Variants in TDP1 observed in about 807,000 individuals in gnomAD.
TDP1 encodes tyr-DNA phosphodiesterase 1.
Under a neutral mutation model 81.5 loss-of-function variants are expected in TDP1, and 64 were observed. That is an observed-to-expected ratio of 0.79 (90% CI 0.64 to 0.97). The LOEUF (loss-of-function observed/expected upper bound fraction) is 0.97. TDP1 is among the 50% of genes least tolerant of loss of function. The pLI is 0.00. For missense variants in TDP1, 723 were observed against 743.8 expected, an observed-to-expected ratio of 0.97 and a Z score of 0.33; for synonymous variants, 256 against 264.3, an observed-to-expected ratio of 0.97 and a Z score of 0.30.
intron 2 of TDP1, among the ~76,000 whole-genome samples, chr14:89,957,707 T>C (rs1197277153): frequency 6.6e-6 from 1 of 152,228 alleles, no homozygotes; most frequent in Non-Finnish European, 1.5e-5. Flanking sequence ...ATAAAAGTGC[T>C]AACAGTGTCC....
At chr14:90,020,547 T>TCCC (rs1231715698) in intron 15 of TDP1, among the ~76,000 whole-genome samples, 1 of 20,136 alleles carries the variant, frequency 5.0e-5, no homozygotes, top group African/African-American at 5.2e-4. Flanking sequence ...CCTCCCTCCC[T>TCCC]TCCTTCCTTC....
At chr14:89,976,583 C>G (rs975370500) in intron 7 of TDP1, among the ~76,000 whole-genome samples, 19 of 142,634 alleles carry the variant, frequency 1.3e-4, no homozygotes, top group Non-Finnish European at 2.7e-4. Context: ...GTTGCCCAGC[C>G]TGGAGTGCAG....
chr14:89,993,314 A>G, intron 13 of TDP1, 62 bp from the exon 14 acceptor site: 1 of 1,417,182 alleles, frequency 7.1e-7, no homozygotes, highest in Non-Finnish European at 9.9e-7. Flanking sequence ...GCAGTTTCCT[A>G]ATATTAGGAT....
intron 4 of TDP1, among the ~76,000 whole-genome samples, chr14:89,966,732 T>C (rs937258217): frequency 6.6e-6 from 1 of 152,198 alleles, no homozygotes; most frequent in Non-Finnish European, 1.5e-5. Flanking sequence ...TGGTTTGGCA[T>C]TGAAAGTCCT....
intron 2 of TDP1, 26 bp from the exon 3 acceptor site, chr14:89,963,082 C>G (rs1892521090): frequency 6.2e-7 from 1 of 1,613,864 alleles, no homozygotes; most frequent in African/African-American, 1.3e-5. Flanking sequence ...ATGGGAAATG[C>G]TGATGTTTCC....
At position 90,025,032 on chromosome 14, in the gene TDP1, G is replaced by A. The variant is rs547326988; in HGVS notation, c.1644+5614G>A. 3.9e-5 allele frequency among the ~76,000 whole-genome samples: 6 copies of A among 152,294 alleles called. No homozygotes were observed. The East Asian group carries it at 9.6e-4, about 24-fold the overall frequency. On this transcript the variant is annotated intron_variant, in intron 15 of 16. Coordinates refer to ENST00000335725, the MANE Select transcript of TDP1 (RefSeq NM_018319.4). ...TGTCCGCACCACCCACATGTCTGAG[G>A]TATCAGCAGCCAGAGTTGCCACTTT...
chr14:89,998,372 TTATATATATATATATATATA>T (rs58264054), intron 14 of TDP1, among the ~76,000 whole-genome samples: 667 of 53,128 alleles, frequency 0.013, 32 homozygotes, highest in Middle Eastern at 0.036. Flanking sequence ...TCCAAGCACA[TTATATATATATATATATATA>T]TATATATATA....
intron 14 of TDP1, among the ~76,000 whole-genome samples, chr14:90,005,615 T>C (rs569349305): frequency 6.6e-6 from 1 of 152,298 alleles, no homozygotes; most frequent in South Asian, 2.1e-4. Context: ...GTCCTTATTA[T>C]AAGTGAAGAA....
Position 89,964,223 on chromosome 14 carries a change from A to C in TDP1, c.559+550A>C, listed in dbSNP as rs539983009. 4.1e-4 allele frequency among the ~76,000 whole-genome samples: 62 copies of C among 152,328 alleles called. 1 individual carries two copies. The highest frequency in any genetic ancestry group is 1.2e-3 in the South Asian group (6 of 4,834). On this transcript the variant is annotated intron_variant, in intron 3 of 16. Transcript: ENST00000335725. The stretch of plus-strand genomic sequence containing the variant: ...TGGTGAAGAAGAAGAAGAAAAAACA[A>C]AATAGTGCCTGAGTGCAAATAGATG...
chr14:89,960,618 C>T (rs1207588630), intron 2 of TDP1, among the ~76,000 whole-genome samples: 1 of 152,180 alleles, frequency 6.6e-6, no homozygotes, highest in Non-Finnish European at 1.5e-5. Context: ...GAGCAAGTGG[C>T]CCCAGCCCTC....
At chr14:90,002,705 A>AC (rs952301777) in intron 14 of TDP1, among the ~76,000 whole-genome samples, 2 of 145,464 alleles carry the variant, frequency 1.4e-5, no homozygotes, top group African/African-American at 5.3e-5. Flanking sequence ...CCCCATCTCT[A>AC]CAAAAAAAAA....
intron 2 of TDP1, among the ~76,000 whole-genome samples, chr14:89,959,333 A>C (rs1316932950): frequency 6.6e-6 from 1 of 152,236 alleles, no homozygotes; most frequent in African/African-American, 2.4e-5. Context: ...CTTGATTACA[A>C]AGCACTCTGA....
At chr14:90,024,867 C>T (rs1886474123) in intron 15 of TDP1, among the ~76,000 whole-genome samples, 1 of 152,118 alleles carries the variant, frequency 6.6e-6, no homozygotes, top group African/African-American at 2.4e-5. Context: ...GCAAGACATG[C>T]CTTTTAGTGT....
chr14:89,972,686 A>G (rs1893808041), intron 6 of TDP1, among the ~76,000 whole-genome samples: 3 of 152,240 alleles, frequency 2.0e-5, no homozygotes, highest in South Asian at 2.1e-4. Flanking sequence ...AGGAATACAG[A>G]AGAATTTCTC....
intron 2 of TDP1, among the ~76,000 whole-genome samples, chr14:89,961,246 G>GT (rs547099368): frequency 4.9e-4 from 74 of 152,336 alleles, no homozygotes; most frequent in African/African-American, 1.7e-3. Context: ...AAGGCACTCA[G>GT]TGCTCAGCCT....
At chr14:89,970,904 T>C (rs1893551430) in intron 5 of TDP1, 3 of 305,116 alleles carry the variant, frequency 9.8e-6, no homozygotes, top group Admixed American at 6.5e-5. Flanking sequence ...AGTGGCTCAA[T>C]CTCGGCTCAC....
intron 5 of TDP1, among the ~76,000 whole-genome samples, chr14:89,969,726 C>T (rs1893375334): frequency 6.6e-6 from 1 of 152,118 alleles, no homozygotes; most frequent in Non-Finnish European, 1.5e-5. Flanking sequence ...AGATGTTTCT[C>T]TCTAGTTGAT....
At chr14:90,037,858 T>G (rs1243878997) in intron 16 of TDP1, among the ~76,000 whole-genome samples, 1 of 152,190 alleles carries the variant, frequency 6.6e-6, no homozygotes, top group Non-Finnish European at 1.5e-5. Flanking sequence ...ATGCATTGAG[T>G]TATGTCTCTT....
At chr14:90,034,355 G>T (rs922362735) in intron 16 of TDP1, among the ~76,000 whole-genome samples, 1 of 152,158 alleles carries the variant, frequency 6.6e-6, no homozygotes, top group Admixed American at 6.5e-5. Flanking sequence ...CAAAAGGGAG[G>T]TCCCCAGGGG....
Sources: allele counts gnomAD v4.1 joint callset (sites outside exome capture counted in the v4.1 genomes callset), GRCh38; gene constraint gnomAD v4.1.1; transcripts MANE v1.5; gene names NCBI Gene and HGNC (gene_info 2026-07-23, HGNC 2026-07-21).